Variants in LTBP4 observed in about 807,000 individuals in gnomAD.
LTBP4 encodes latent-transforming growth factor beta-binding protein 4.
A neutral mutation model predicts 180.2 loss-of-function variants in LTBP4; 93 were observed. The observed-to-expected ratio is 0.52, with a 90% CI of 0.44 to 0.61. LTBP4 has a LOEUF of 0.61. Among genes scored for constraint, LTBP4 ranks in the 20% least tolerant of loss-of-function variants. LTBP4 has a pLI of 0.00. For missense variants in LTBP4, 2,116 were observed against 2,256.5 expected (o/e 0.94, Z 1.26); for synonymous variants, 947 against 934.5 (o/e 1.01, Z -0.24).
intron 4 of LTBP4, 148 bp from the exon 5 acceptor site, chr19:40,606,085 T>C (rs1325602481): frequency 2.4e-6 from 2 of 833,814 alleles, no homozygotes; most frequent in Non-Finnish European, 3.9e-6. Flanking sequence ...GTCTCCAATG[T>C]TGCCATTTCA....
intron 21 of LTBP4, among the ~76,000 whole-genome samples, chr19:40,617,643 C>CAAAAAAAA (rs56053315): frequency 3.4e-5 from 4 of 118,794 alleles, no homozygotes; most frequent in Non-Finnish European, 3.8e-5. Flanking sequence ...GACCCTGTCT[C>CAAAAAAAA]AAAAAAAAAA....
In LTBP4 at chr19:40,605,649, C is replaced by A; in HGVS notation, c.687C>A (p.Gly229=). ...ACTGCTTTCGGGAGCTGCGCGGAGG[C>A]GAAGTGAGAGGAGGCCCGTGGGGAG... ...FGYCFRELRG[G]ECASPLPGLR... The change falls in exon 3 of 30, where the codon GGC becomes GGA. Residue 229 remains glycine, a synonymous_variant. Coordinates refer to ENST00000396819, the MANE Select transcript of LTBP4 (RefSeq NM_001042545.2). This position sits in a 1 kb window ranked among gnomAD's most constrained non-coding sequence, Gnocchi z 5.5. The A allele has an allele frequency of 1.3e-6, 2 of 1,568,654 alleles. No individual in the cohort carries two copies. The highest frequency in any genetic ancestry group is 1.7e-6 in the Non-Finnish European group (2 of 1,157,700).
intron 21 of LTBP4, among the ~76,000 whole-genome samples, chr19:40,618,864 A>G (rs944524606): frequency 6.6e-6 from 1 of 152,174 alleles, no homozygotes; most frequent in African/African-American, 2.4e-5. Context: ...TAACAAGGCT[A>G]TTTCTATCTT....
At chr19:40,594,966 T>G in intron 1 of LTBP4, among the ~76,000 whole-genome samples, 1 of 147,266 alleles carries the variant, frequency 6.8e-6, no homozygotes, top group South Asian at 2.2e-4. Flanking sequence ...TTGCCATTCT[T>G]GGTCTGGGGT....
In LTBP4 at chr19:40,616,921, A is replaced by G; in HGVS notation, c.2845A>G (p.Ile949Val). Residue 949 changes from isoleucine (I) to valine (V), a missense_variant, in exon 20 of 30, where the codon ATT becomes GTT. This residue lies in a region of LTBP4 where 877 missense variants were observed against 873.6 expected (regional missense o/e 1.00). Coordinates refer to ENST00000396819, the MANE Select transcript of LTBP4 (RefSeq NM_001042545.2). ...VDECQEYGPEICGAQRCENTP... is the reference protein window; with the variant it reads ...VDECQEYGPEVCGAQRCENTP... ...TGAGTGCCAAGAATATGGTCCCGAG[A>G]TTTGTGGAGCCCAGCGTTGTGAGAA... The G allele has an allele frequency of 6.2e-7, 1 of 1,613,912 alleles. No individual in the cohort carries two copies. The highest frequency in any genetic ancestry group is 8.5e-7 in the Non-Finnish European group (1 of 1,179,878).
Position 40,613,215 on chromosome 19 carries a change from C to T in LTBP4, c.2431+19C>T. On this transcript the variant is annotated intron_variant, in intron 16 of 29. Coordinates refer to ENST00000396819, the MANE Select transcript of LTBP4 (RefSeq NM_001042545.2). This position sits in a 1 kb window ranked among gnomAD's most constrained non-coding sequence, Gnocchi z 5.0. ...TGCGCAGGTGAGCAGCATAGGGACC[C>T]GCCAGAGAGTCTGGGAGTAGGGCCT... The T allele has an allele frequency of 3.2e-6, 5 of 1,557,274 alleles. No homozygotes were observed. The highest frequency in any genetic ancestry group is 4.3e-6 in the Non-Finnish European group (5 of 1,149,910).
Position 40,622,771 on chromosome 19 carries a change from A to G in LTBP4, c.3484+104A>G. On this transcript the variant is annotated intron_variant, in intron 23 of 29. Transcript: ENST00000396819. The surrounding 1 kb of genome is among the most constrained non-coding windows in gnomAD (Gnocchi z 5.1). ...ACACTTTTGGACAGGGCCTTGAGGTACTAGTACTGTCAGGGCAAGGGCGAG... is the reference window on the plus strand; with the variant it reads ...ACACTTTTGGACAGGGCCTTGAGGTGCTAGTACTGTCAGGGCAAGGGCGAG... The G allele has an allele frequency of 6.9e-7, 1 of 1,456,616 alleles. No individual in the cohort carries two copies. Among genetic ancestry groups the G allele is most frequent in the Non-Finnish European group, 9.2e-7 (1 of 1,089,958 alleles). 90.2% of individuals were successfully genotyped at this position (1,456,616 alleles called of 1,614,324 possible).
chr19:40,619,596 T>A (rs1485110329), intron 22 of LTBP4, 103 bp downstream of exon 22: 5 of 1,303,606 alleles, frequency 3.8e-6, no homozygotes, highest in East Asian at 5.0e-5. Context: ...CTAAATACTG[T>A]TGTTTTAAAC....
chr19:40,611,618 G>A lies in LTBP4; in HGVS notation c.2053+224G>A, dbSNP rs1350208245. On this transcript the variant is annotated intron_variant, in intron 13 of 29. Coordinates refer to ENST00000396819, the MANE Select transcript of LTBP4 (RefSeq NM_001042545.2). The surrounding 1 kb of genome is among the most constrained non-coding windows in gnomAD (Gnocchi z 4.4). ...ATACTCTTGTGCTTATGGGAACCCT[G>A]AGGAGGGGGTCACCTGAGGCAGGGC... Among the ~76,000 whole-genome samples, 1 of 152,166 alleles carries A rather than the reference G, an allele frequency of 6.6e-6. No homozygotes were observed. The highest frequency in any genetic ancestry group is 1.5e-5 in the Non-Finnish European group (1 of 68,016).
intron 15 of LTBP4, among the ~76,000 whole-genome samples, chr19:40,612,537 G>T (rs1173845473): frequency 2.0e-5 from 3 of 152,032 alleles, no homozygotes; most frequent in Non-Finnish European, 4.4e-5. Flanking sequence ...ACTAACCATA[G>T]CACTGACCAT....
chr19:40,600,669 G>GTAGC (rs2081417190), upstream of LTBP4, among the ~76,000 whole-genome samples: 1 of 152,058 alleles, frequency 6.6e-6, no homozygotes, highest in Non-Finnish European at 1.5e-5. The surrounding 1 kb of genome is among the most constrained non-coding windows in gnomAD (Gnocchi z 4.4). Flanking sequence ...TCCTCTTGCT[G>GTAGC]TAGCCTTCAG....
At chr19:40,620,312 C>T (rs2081577749) in intron 22 of LTBP4, among the ~76,000 whole-genome samples, 2 of 151,626 alleles carry the variant, frequency 1.3e-5, no homozygotes, top group Middle Eastern at 3.4e-3. Context: ...GATCTCAGCT[C>T]ACTGCAACCT....
rs530089340 is a variant in LTBP4, at chr19:40,614,781, A to G, written c.2812+335A>G. 4.0e-5 allele frequency among the ~76,000 whole-genome samples: 6 copies of G among 151,410 alleles called. No homozygotes were observed. In the South Asian group the frequency reaches 1.3e-3, roughly 32 times the overall value. ...GCCTCTGGATTAAAACCCCCTCTTC[A>G]GGCCCCTTCTCTTCCTAACAGAAGT... On this transcript the variant is annotated intron_variant, in intron 19 of 29. Transcript: ENST00000396819.
At chr19:40,614,125 G>A (rs1469178254) in intron 18 of LTBP4, 87 bp downstream of exon 18, 1 of 1,555,850 alleles carries the variant, frequency 6.4e-7, no homozygotes, top group Non-Finnish European at 8.7e-7. Flanking sequence ...TTCCTCCTCC[G>A]CTTCTCCCCT....
chr19:40,623,242 T>C (rs1002849671), intron 24 of LTBP4, among the ~76,000 whole-genome samples: 4 of 151,500 alleles, frequency 2.6e-5, no homozygotes, highest in African/African-American at 9.7e-5. Flanking sequence ...TGGCGAGATC[T>C]TGGCTCACTG....
intron 4 of LTBP4, 29 bp from the exon 5 acceptor site, chr19:40,606,204 C>T (rs1352465650): frequency 7.7e-6 from 12 of 1,561,134 alleles, no homozygotes; most frequent in Non-Finnish European, 1.0e-5. Context: ...CCCACCTGTC[C>T]CTGGCCCACC....
intron 11 of LTBP4, chr19:40,610,215 A>G: frequency 8.2e-6 from 4 of 487,690 alleles, no homozygotes; most frequent in South Asian, 3.5e-5. Flanking sequence ...GCGGCAACCA[A>G]TCTCCTGACC....
In LTBP4 at chr19:40,622,682, A is replaced by G. The variant is rs1262979573; in HGVS notation, c.3484+15A>G. 10 of 1,591,714 alleles carry G rather than the reference A, an allele frequency of 6.3e-6. No individual in the cohort carries two copies. The highest frequency in any genetic ancestry group is 7.7e-6 in the Non-Finnish European group (9 of 1,169,664). ...CACCGAGACAGGTGGGCATGGGCTG[A>G]TGGGGACACAGGGCTGAGGGCTTGG... On this transcript the variant is annotated intron_variant, in intron 23 of 29. Coordinates refer to ENST00000396819, the MANE Select transcript of LTBP4 (RefSeq NM_001042545.2). This position sits in a 1 kb window ranked among gnomAD's most constrained non-coding sequence, Gnocchi z 5.1.
chr19:40,602,777 G>A (rs1196194036), intron 1 of LTBP4, among the ~76,000 whole-genome samples: 1 of 152,196 alleles, frequency 6.6e-6, no homozygotes, highest in Non-Finnish European at 1.5e-5. Flanking sequence ...TGGCCATCTA[G>A]TGGCCCACCC....
Sources: gnomAD v4.1 joint callset for allele counts (sites outside exome capture counted in the v4.1 genomes callset) on GRCh38, gnomAD v4.1.1 for gene constraint, gnomAD v4.1.1 regional missense constraint, Gnocchi (gnomAD v3.1) non-coding constraint, MANE v1.5 for transcripts, NCBI Gene and HGNC (gene_info 2026-07-23, HGNC 2026-07-21) for gene names.